The following TRPM1 variants were observed in gnomAD, a reference collection of about 807,000 sequenced individuals.
TRPM1 encodes transient receptor potential cation channel subfamily M member 1, also known as TRPM1-203 APA Isoform, Intron 10.
Under a neutral mutation model 149.4 loss-of-function variants are expected in TRPM1, and 113 were observed. The observed-to-expected ratio is 0.76, with a 90% CI of 0.65 to 0.88. The LOEUF is 0.88. Among genes scored for constraint, TRPM1 ranks in the 40% least tolerant of loss-of-function variants. TRPM1 has a pLI of 0.00. For synonymous variants in TRPM1, 741 were observed against 759.5 expected (o/e 0.98, Z 0.40); for missense variants, 1,976 against 2,038.7 (o/e 0.97, Z 0.59).
At chr15:31,140,537 T>A (rs1005702038) in intron 1 of TRPM1, among the ~76,000 whole-genome samples, 8 of 152,182 alleles carry the variant, frequency 5.3e-5, no homozygotes, top group African/African-American at 1.9e-4. Flanking sequence ...TTAGCTCCTG[T>A]GAGAGTTCCC....
intron 8 of TRPM1, 24 bp downstream of exon 8, chr15:31,063,094 T>C: frequency 6.2e-7 from 1 of 1,614,026 alleles, no homozygotes; most frequent in Non-Finnish European, 8.5e-7. Context: ...GAACCCGCCC[T>C]TCCTCGCGCG....
intron 27 of TRPM1, among the ~76,000 whole-genome samples, chr15:31,012,746 T>C (rs768770449): frequency 6.6e-6 from 1 of 152,116 alleles, no homozygotes; most frequent in African/African-American, 2.4e-5. Flanking sequence ...ATGATGCCTA[T>C]GTTGTTCTGC....
intron 1 of TRPM1, among the ~76,000 whole-genome samples, chr15:31,148,536 TG>T (rs1311168687): frequency 6.6e-6 from 1 of 152,188 alleles, no homozygotes; most frequent in African/African-American, 2.4e-5. Context: ...CCTCCCTCAG[TG>T]GAGGAGTGGC....
chr15:31,031,893 C>G (rs1275286210), intron 22 of TRPM1, among the ~76,000 whole-genome samples: 2 of 152,102 alleles, frequency 1.3e-5, no homozygotes, highest in Non-Finnish European at 1.5e-5. Context: ...TGTGTTCACT[C>G]CAGGCCAGAG....
chr15:31,134,265 A>G (rs1324137906), intron 1 of TRPM1, among the ~76,000 whole-genome samples: 1 of 152,218 alleles, frequency 6.6e-6, no homozygotes, highest in Non-Finnish European at 1.5e-5. Context: ...CATATTAGTT[A>G]TGATGCTAAT....
intron 1 of TRPM1, among the ~76,000 whole-genome samples, chr15:31,137,114 G>C (rs568774031): frequency 6.6e-6 from 1 of 152,152 alleles, no homozygotes; most frequent in Non-Finnish European, 1.5e-5. Context: ...TGCTGTGGCA[G>C]GGCACACCAC....
chr15:31,113,426 C>G (rs968097200), intron 1 of TRPM1, among the ~76,000 whole-genome samples: 10 of 104,406 alleles, frequency 9.6e-5, no homozygotes, highest in African/African-American at 2.7e-4. Context: ...ATACCCAGCT[C>G]TGACAGTTTT....
chr15:31,064,573 A>G (rs375839560), intron 7 of TRPM1, among the ~76,000 whole-genome samples: 5 of 152,308 alleles, frequency 3.3e-5, no homozygotes, highest in African/African-American at 1.2e-4. Context: ...CCAGCTGTCC[A>G]TTAGTTGTGA....
chr15:31,049,562 G>A, intron 12 of TRPM1, 53 bp from the exon 13 acceptor site: 2 of 1,607,584 alleles, frequency 1.2e-6, no homozygotes, highest in African/African-American at 1.3e-5. Flanking sequence ...AGACACAGGG[G>A]AGGGGGGCGA....
intron 16 of TRPM1, among the ~76,000 whole-genome samples, chr15:31,045,219 G>A (rs546011506): frequency 2.6e-5 from 4 of 152,290 alleles, no homozygotes; most frequent in Non-Finnish European, 4.4e-5. Flanking sequence ...ATGAAGAATC[G>A]GGATGCTGTT....
intron 9 of TRPM1, 25 bp downstream of exon 9, chr15:31,062,554 T>C (rs1167029127): frequency 6.2e-7 from 1 of 1,613,680 alleles, no homozygotes; most frequent in Admixed American, 1.7e-5. Context: ...CAGAGCTTGT[T>C]TGGAAATAAA....
intron 1 of TRPM1, among the ~76,000 whole-genome samples, chr15:31,118,982 G>A (rs1371992914): frequency 6.6e-6 from 1 of 152,180 alleles, no homozygotes; most frequent in Non-Finnish European, 1.5e-5. Context: ...GTTCATGCCT[G>A]TAATCCCAGC....
intron 1 of TRPM1, among the ~76,000 whole-genome samples, chr15:31,083,756 G>T (rs2034924374): frequency 6.6e-6 from 1 of 152,192 alleles, no homozygotes; most frequent in Non-Finnish European, 1.5e-5. Context: ...TGGCTTCTCA[G>T]GGATACTCTC....
In TRPM1 at chr15:31,043,233, G is replaced by A. The variant is rs142885927; in HGVS notation, c.1795-990C>T. ...TTTTGAGACGGAGTCTCACTGTGTCGCCCAGGCTGGAGTGCAGTGGCACCA... is the reference window on the plus strand; with the variant it reads ...TTTTGAGACGGAGTCTCACTGTGTCACCCAGGCTGGAGTGCAGTGGCACCA... On this transcript the variant is annotated intron_variant, in intron 16 of 27. Transcript: ENST00000256552. Among the ~76,000 whole-genome samples, 622 of 152,172 alleles carry A rather than the reference G, an allele frequency of 4.1e-3. 1 individual carries two copies. Among genetic ancestry groups the A allele is most frequent in the Non-Finnish European group, 5.9e-3 (399 of 68,002 alleles).
chr15:31,139,808 TA>T (rs1277846396), intron 1 of TRPM1, among the ~76,000 whole-genome samples: 2 of 152,258 alleles, frequency 1.3e-5, no homozygotes, highest in African/African-American at 4.8e-5. Context: ...TAACTTTGTG[TA>T]ACCAGCAATG....
intron 20 of TRPM1, among the ~76,000 whole-genome samples, chr15:31,036,658 C>G (rs944446759): frequency 6.6e-6 from 1 of 152,238 alleles, no homozygotes; most frequent in Admixed American, 6.5e-5. Context: ...TGAGAGGCCT[C>G]GATGGCTTCC....
chr15:31,044,540 A>G (rs2033711148), intron 16 of TRPM1, among the ~76,000 whole-genome samples: 1 of 152,200 alleles, frequency 6.6e-6, no homozygotes, highest in Non-Finnish European at 1.5e-5. Flanking sequence ...TGGGAGGCCA[A>G]GATGGGTGGA....
rs1178249569 is a variant in TRPM1 at position 31,060,533 on chromosome 15, A to T, written c.1263+11T>A. 5.6e-6 allele frequency: 9 copies of T among 1,612,638 alleles called. No homozygotes were observed. The highest frequency in any genetic ancestry group is 5.0e-5 in the Admixed American group (3 of 60,002). On this transcript the variant is annotated intron_variant, in intron 11 of 27. Transcript: ENST00000256552. Reference sequence around the variant, plus strand: ...AGATCAATGATATGAATCGAAAAAAAACAGTTTCACCGGCCAGTGGGGCCC... The same window carrying T: ...AGATCAATGATATGAATCGAAAAAATACAGTTTCACCGGCCAGTGGGGCCC...
chr15:31,133,742 C>A (rs2036052052), intron 1 of TRPM1, among the ~76,000 whole-genome samples: 2 of 152,094 alleles, frequency 1.3e-5, no homozygotes, highest in South Asian at 4.1e-4. Flanking sequence ...ACACAATAGA[C>A]AATGGAGAGG....
Sources: gnomAD v4.1 joint callset for allele counts (sites outside exome capture counted in the v4.1 genomes callset) on GRCh38, gnomAD v4.1.1 for gene constraint, MANE v1.5 for transcripts, NCBI Gene and HGNC (gene_info 2026-07-23, HGNC 2026-07-21) for gene names.